The following GAP43 variants were observed in gnomAD, a reference collection of about 807,000 sequenced individuals.
The protein encoded by GAP43 is neuromodulin.
GAP43 carries 6 observed loss-of-function variants against 18.6 expected under a neutral mutation model. The observed-to-expected ratio is 0.32, with a 90% CI of 0.18 to 0.64. GAP43 has a LOEUF of 0.64. Among genes scored for constraint, GAP43 ranks in the 30% least tolerant of loss-of-function variants. The pLI, the probability that GAP43 is intolerant of heterozygous loss-of-function variation, is 0.78. For missense variants in GAP43, 292 were observed against 295.5 expected (o/e 0.99, Z 0.09); for synonymous variants, 115 against 111.4 (o/e 1.03, Z -0.20).
chr3:115,699,098 A>G (rs78732707), intron 2 of GAP43, among the ~76,000 whole-genome samples: 7 of 152,124 alleles, frequency 4.6e-5, no homozygotes, highest in African/African-American at 1.7e-4. Context: ...CTACCATGGA[A>G]AGATTTGGTT....
At chr3:115,691,630 T>TTA (rs1190592989) in intron 2 of GAP43, among the ~76,000 whole-genome samples, 3 of 152,328 alleles carry the variant, frequency 2.0e-5, no homozygotes, top group African/African-American at 7.2e-5. Flanking sequence ...ATGAAGGAAA[T>TTA]TAACGTGCAA....
At chr3:115,672,229 A>T (rs1277575883) in intron 1 of GAP43, among the ~76,000 whole-genome samples, 1 of 152,194 alleles carries the variant, frequency 6.6e-6, no homozygotes, top group African/African-American at 2.4e-5. Flanking sequence ...CAAGTCACTT[A>T]ACTTTTCAGG....
At chr3:115,630,929 G>A (rs1464879067) in intron 1 of GAP43, among the ~76,000 whole-genome samples, 1 of 152,198 alleles carries the variant, frequency 6.6e-6, no homozygotes, top group Admixed American at 6.5e-5. Context: ...ATTTGTTGAA[G>A]TAATAAATGT....
intron 1 of GAP43, among the ~76,000 whole-genome samples, chr3:115,643,690 A>G (rs58635236): frequency 0.23 from 35,505 of 151,682 alleles, 4,442 homozygotes; most frequent in African/African-American, 0.32. Flanking sequence ...GTAAAATGGC[A>G]CCCCACCCTA....
At chr3:115,684,941 A>G (rs1336461557) in intron 2 of GAP43, among the ~76,000 whole-genome samples, 1 of 152,258 alleles carries the variant, frequency 6.6e-6, no homozygotes, top group Non-Finnish European at 1.5e-5. Context: ...ACACACATGT[A>G]TAAATAAATT....
chr3:115,687,416 C>T (rs1709048576), intron 2 of GAP43, among the ~76,000 whole-genome samples: 1 of 151,000 alleles, frequency 6.6e-6, no homozygotes, highest in African/African-American at 2.4e-5. Context: ...GTGTGAGTAA[C>T]TTCTAAACAT....
At chr3:115,702,980 A>G (rs1274073708) in intron 2 of GAP43, among the ~76,000 whole-genome samples, 2 of 152,084 alleles carry the variant, frequency 1.3e-5, no homozygotes, top group African/African-American at 4.8e-5. Context: ...CTGGAGTACA[A>G]AAAGATGTGG....
At chr3:115,659,799 CCT>C (rs577408297) in intron 1 of GAP43, among the ~76,000 whole-genome samples, 186 of 152,114 alleles carry the variant, frequency 1.2e-3, no homozygotes, top group African/African-American at 4.2e-3. Context: ...TAGAACCTTC[CCT>C]CTCTGTTTTC....
intron 1 of GAP43, among the ~76,000 whole-genome samples, chr3:115,645,245 C>T (rs571327610): frequency 1.4e-4 from 22 of 151,962 alleles, no homozygotes; most frequent in African/African-American, 4.1e-4. Context: ...AATTATTTTC[C>T]GTGACATCCT....
At chr3:115,702,060 T>C (rs1275718378) in intron 2 of GAP43, among the ~76,000 whole-genome samples, 2 of 152,058 alleles carry the variant, frequency 1.3e-5, no homozygotes, top group Non-Finnish European at 2.9e-5. Context: ...TGGTTACACT[T>C]GTAGAGATAA....
rs755917237 is a variant in GAP43 at position 115,676,151 on chromosome 3, G to A, written c.169G>A (p.Asp57Asn). ...TRKKLKGEKK[D>N]DVQAAEAEAN... is the part of the protein sequence containing the mutation. ...GAAAAAGCTCAAAGGAGAGAAGAAG[G>A]ATGATGTCCAAGCTGCTGAGGCTGA... The change falls in exon 2 of 3, where the codon GAT becomes AAT. Residue 57 changes from aspartate (D) to asparagine (N), a missense_variant. Transcript: ENST00000305124. 3 of 1,614,184 alleles carry A rather than the reference G, an allele frequency of 1.9e-6. No homozygotes were observed. In the East Asian group the frequency reaches 6.7e-5, roughly 36 times the overall value.
chr3:115,646,344 C>A (rs1481528539), intron 1 of GAP43, among the ~76,000 whole-genome samples: 1 of 152,106 alleles, frequency 6.6e-6, no homozygotes, highest in Non-Finnish European at 1.5e-5. Flanking sequence ...CTAATTACTA[C>A]TGTGCTAGAA....
chr3:115,635,926 T>C (rs183981409), intron 1 of GAP43, among the ~76,000 whole-genome samples: 26 of 152,202 alleles, frequency 1.7e-4, no homozygotes, highest in Admixed American at 1.6e-3. Context: ...TCCTGCAAGC[T>C]TCTACCGTTC....
At chr3:115,647,719 C>CAACAAA (rs1233676807) in intron 1 of GAP43, among the ~76,000 whole-genome samples, 28 of 125,268 alleles carry the variant, frequency 2.2e-4, no homozygotes, top group South Asian at 1.3e-3. Context: ...AAACCATAGC[C>CAACAAA]AACAAAAACA....
At chr3:115,697,096 C>T (rs774279670) in intron 2 of GAP43, among the ~76,000 whole-genome samples, 17 of 152,088 alleles carry the variant, frequency 1.1e-4, no homozygotes, top group Non-Finnish European at 1.9e-4. Context: ...ACCTCGGCCT[C>T]CCAAAGTGCT....
At chr3:115,698,099 AATATATAAAATATATAATATATATT>A (rs1709229506) in intron 2 of GAP43, among the ~76,000 whole-genome samples, 3 of 40,468 alleles carry the variant, frequency 7.4e-5, no homozygotes, top group African/African-American at 2.3e-4. Context: ...TATTATATAT[AATATATAAAATATATAATATATATT>A]ATATATAATA....
chr3:115,708,353 T>C (rs937220253), intron 2 of GAP43, among the ~76,000 whole-genome samples: 3 of 152,226 alleles, frequency 2.0e-5, no homozygotes, highest in Admixed American at 6.5e-5. Flanking sequence ...TGAGTCAAAC[T>C]TGAAGATTTA....
intron 1 of GAP43, among the ~76,000 whole-genome samples, chr3:115,639,469 A>G (rs1708370538): frequency 2.0e-5 from 3 of 152,058 alleles, no homozygotes; most frequent in Non-Finnish European, 2.9e-5. Flanking sequence ...TAAAGCTTGT[A>G]TCTTCTGGTA....
intron 2 of GAP43, among the ~76,000 whole-genome samples, chr3:115,683,134 TGCGCGCGCGC>T (rs1221666580): frequency 9.5e-6 from 1 of 105,576 alleles, no homozygotes; most frequent in African/African-American, 3.0e-5. Context: ...TGCGCGCGCG[TGCGCGCGCGC>T]GCGCACACAC....
Sources: allele counts gnomAD v4.1 joint callset (sites outside exome capture counted in the v4.1 genomes callset), GRCh38; gene constraint gnomAD v4.1.1; transcripts MANE v1.5; gene names NCBI Gene and HGNC (gene_info 2026-07-23, HGNC 2026-07-21).